Variants in PARP8 observed in about 807,000 individuals in gnomAD.
PARP8 encodes protein mono-ADP-ribosyltransferase PARP8.
In PARP8, 51 loss-of-function variants were observed where a neutral mutation model predicts 124.1. The observed-to-expected ratio is 0.41, with a 90% CI of 0.33 to 0.52. PARP8 has a LOEUF of 0.52. Among genes scored for constraint, PARP8 ranks in the 20% least tolerant of loss-of-function variants. The pLI is 0.21. For synonymous variants in PARP8, 391 were observed against 361.5 expected (o/e 1.08, Z -0.93); for missense variants, 860 against 1,018.9 (o/e 0.84, Z 2.12).
chr5:50,772,253 T>C (rs1211149095), intron 7 of PARP8, among the ~76,000 whole-genome samples: 3 of 152,224 alleles, frequency 2.0e-5, no homozygotes, highest in Admixed American at 2.0e-4. Context: ...ATTCATCTGT[T>C]AATGGACACT....
chr5:50,747,696 C>T (rs1364279213), intron 2 of PARP8, among the ~76,000 whole-genome samples: 1 of 132,310 alleles, frequency 7.6e-6, no homozygotes, highest in Non-Finnish European at 1.6e-5. Context: ...CTTTTCCATT[C>T]TTTACTTAAA....
At chr5:50,769,289 T>TA in intron 7 of PARP8, among the ~76,000 whole-genome samples, 1 of 151,590 alleles carries the variant, frequency 6.6e-6, no homozygotes, top group African/African-American at 2.4e-5. Flanking sequence ...TTTTTTTTTT[T>TA]AATCTTCCTG....
chr5:50,795,155 G>T lies in PARP8; in HGVS notation c.1166G>T (p.Cys389Phe), dbSNP rs1742393603. Residue 389 changes from cysteine to phenylalanine, a missense_variant, in exon 12 of 26, where the codon TGT (cysteine) becomes TTT (phenylalanine). Cys to Phe is a radical substitution (Grantham distance 205). Coordinates refer to ENST00000281631, the MANE Select transcript of PARP8 (RefSeq NM_024615.4). Reference sequence around the variant, plus strand: ...TCGCATAGACTATTGACTCGATCTTGTTCTGGAGATCCACGATGTGAGCAC... The same window carrying T: ...TCGCATAGACTATTGACTCGATCTTTTTCTGGAGATCCACGATGTGAGCAC... ...LKSHRLLTRS[C>F]SGDPRCEHNT... 10 of 1,614,188 alleles carry T rather than the reference G, an allele frequency of 6.2e-6. No individual in the cohort carries two copies. The East Asian group carries it at 2.2e-4, about 36-fold the overall frequency.
chr5:50,822,266 A>T, intron 16 of PARP8, 69 bp from the exon 17 acceptor site: 1 of 1,016,332 alleles, frequency 9.8e-7, no homozygotes, highest in Non-Finnish European at 1.6e-6. Flanking sequence ...ATATTTCTCT[A>T]GTGATATACA....
At position 50,762,742 on chromosome 5, in the gene PARP8, G is replaced by T. The variant is rs557435381; in HGVS notation, c.424-406G>T. The stretch of plus-strand genomic sequence containing the variant: ...GGAATGTCTTTCTAGCAATAAGATA[G>T]TTTTCCCAACGAAATGATTCCTTTA... On this transcript the variant is annotated intron_variant, in intron 6 of 25. Coordinates refer to ENST00000281631, the MANE Select transcript of PARP8 (RefSeq NM_024615.4). Among the ~76,000 whole-genome samples, 5 of 152,252 alleles carry T rather than the reference G, an allele frequency of 3.3e-5. No homozygotes were observed. In the South Asian group the frequency reaches 1.0e-3, roughly 32 times the overall value.
chr5:50,695,638 A>G (rs1197985780), intron 2 of PARP8, among the ~76,000 whole-genome samples: 1 of 152,124 alleles, frequency 6.6e-6, no homozygotes, highest in East Asian at 1.9e-4. Flanking sequence ...TAATATTTGC[A>G]TCCTTGCTTC....
intron 22 of PARP8, among the ~76,000 whole-genome samples, chr5:50,830,622 C>A (rs75184842): frequency 0.026 from 3,917 of 152,238 alleles, 167 homozygotes; most frequent in African/African-American, 0.09. Flanking sequence ...TATATAACAA[C>A]TAACCTATTC....
intron 15 of PARP8, among the ~76,000 whole-genome samples, chr5:50,817,103 C>T (rs1380769366): frequency 2.0e-5 from 3 of 152,100 alleles, no homozygotes; most frequent in East Asian, 1.9e-4. Context: ...AAATTAAAGG[C>T]TAGTAATAGT....
intron 2 of PARP8, among the ~76,000 whole-genome samples, chr5:50,704,929 T>C (rs1580020738): frequency 6.6e-6 from 1 of 152,314 alleles, no homozygotes; most frequent in East Asian, 1.9e-4. Context: ...AGCAGTGTAA[T>C]GTGTAAATTT....
At chr5:50,700,811 T>G (rs1410071532) in intron 2 of PARP8, among the ~76,000 whole-genome samples, 1 of 152,148 alleles carries the variant, frequency 6.6e-6, no homozygotes, top group East Asian at 1.9e-4. Flanking sequence ...TACTCTTTCA[T>G]AAACTTCCAT....
At chr5:50,826,879 G>C (rs1315232079) in intron 19 of PARP8, 76 bp downstream of exon 19, 2 of 1,526,012 alleles carry the variant, frequency 1.3e-6, no homozygotes, top group Non-Finnish European at 1.7e-6. Context: ...AACCTACCTT[G>C]TAATTTTTAG....
chr5:50,713,277 A>G (rs762045752), intron 2 of PARP8, among the ~76,000 whole-genome samples: 12 of 151,918 alleles, frequency 7.9e-5, no homozygotes, highest in East Asian at 5.8e-4. Flanking sequence ...GTCTCACTCT[A>G]TTGCCCAGGC....
At chr5:50,816,227 A>T (rs1745090976) in intron 15 of PARP8, among the ~76,000 whole-genome samples, 1 of 152,158 alleles carries the variant, frequency 6.6e-6, no homozygotes, top group African/African-American at 2.4e-5. Flanking sequence ...AATTTAATGT[A>T]TGTTAAAGTA....
chr5:50,839,481 C>A (rs940172473), intron 25 of PARP8, among the ~76,000 whole-genome samples: 2 of 151,894 alleles, frequency 1.3e-5, no homozygotes, highest in African/African-American at 2.4e-5. Context: ...TTGCCAGTTG[C>A]CCAAAGTAAA....
At chr5:50,786,425 C>T (rs1741251991) in intron 9 of PARP8, among the ~76,000 whole-genome samples, 1 of 150,736 alleles carries the variant, frequency 6.6e-6, no homozygotes, top group African/African-American at 2.4e-5. Flanking sequence ...AGTAGAGTGG[C>T]ATTATCACAG....
chr5:50,842,108 C>T lies in PARP8; in HGVS notation c.*40C>T, dbSNP rs766891355. 1.2e-5 allele frequency: 17 copies of T among 1,410,118 alleles called. No homozygotes were observed. The highest frequency in any genetic ancestry group is 1.8e-4 in the Middle Eastern group (1 of 5,676). 87.4% of individuals were successfully genotyped at this position (1,410,118 alleles called of 1,614,324 possible). A position where few individuals can be genotyped will look rare whatever the true frequency, so the allele number is the denominator to read the frequency against. On this transcript the variant is annotated 3_prime_UTR_variant, in exon 26 of 26. Transcript: ENST00000281631. ...ATTAACATGATTCGAAAGCCTTCCT[C>T]GGGTTCAAAGCTGGATTTTGAACTG... is the stretch of plus-strand genomic sequence containing the variant.
At chr5:50,761,558 G>A (rs908914554) in intron 5 of PARP8, among the ~76,000 whole-genome samples, 2 of 151,968 alleles carry the variant, frequency 1.3e-5, no homozygotes, top group Admixed American at 6.6e-5. Flanking sequence ...TTATACATAA[G>A]TTTTTAATAT....
At chr5:50,701,182 C>T (rs1051751872) in intron 2 of PARP8, among the ~76,000 whole-genome samples, 1 of 152,096 alleles carries the variant, frequency 6.6e-6, no homozygotes, top group African/African-American at 2.4e-5. Flanking sequence ...TGTTGACTCC[C>T]TCTCCACTCA....
At chr5:50,708,465 C>T (rs1436769852) in intron 2 of PARP8, among the ~76,000 whole-genome samples, 1 of 151,348 alleles carries the variant, frequency 6.6e-6, no homozygotes, top group African/African-American at 2.4e-5. Context: ...TTTATTTTAC[C>T]CTCATTTTAA....
Sources: gnomAD v4.1 joint callset for allele counts (sites outside exome capture counted in the v4.1 genomes callset) on GRCh38, gnomAD v4.1.1 for gene constraint, MANE v1.5 for transcripts, NCBI Gene and HGNC (gene_info 2026-07-23, HGNC 2026-07-21) for gene names.